CA4: variants seen among roughly 807,000 people sequenced by gnomAD.
CA4 encodes carbonic anhydrase 4.
CA4 carries 24 observed loss-of-function variants against 34.5 expected under a neutral mutation model. That is an observed-to-expected ratio of 0.70 (90% CI 0.50 to 0.98). The LOEUF is 0.98. Among genes scored for constraint, CA4 ranks in the 50% least tolerant of loss-of-function variants. The pLI is 0.00. For missense variants in CA4, 394 were observed against 396.7 expected (o/e 0.99, Z 0.06); for synonymous variants, 178 against 170.6 (o/e 1.04, Z -0.34).
chr17:60,158,176 C>T, intron 6 of CA4, 49 bp downstream of exon 6: 1 of 1,610,196 alleles, frequency 6.2e-7, no homozygotes, highest in African/African-American at 1.3e-5. Context: ...GGGGATTCCT[C>T]CCACAAAGGA....
downstream of CA4, among the ~76,000 whole-genome samples, chr17:60,172,042 C>T (rs577689209): frequency 1.4e-4 from 22 of 151,954 alleles, no homozygotes; most frequent in African/African-American, 5.1e-4. Flanking sequence ...ATCTCCTACT[C>T]CATTCTGGAG....
downstream of CA4, among the ~76,000 whole-genome samples, chr17:60,161,515 A>C (rs2083788465): frequency 6.6e-6 from 1 of 151,968 alleles, no homozygotes; most frequent in South Asian, 2.1e-4. Context: ...GAGGGCACTG[A>C]GGGATTCCAT....
the CA4 span, among the ~76,000 whole-genome samples, chr17:60,176,138 T>C: frequency 1.3e-5 from 2 of 152,156 alleles, no homozygotes; most frequent in South Asian, 4.1e-4. Context: ...TTTTAATGTG[T>C]ATTCTCGTTT....
At chr17:60,152,494 G>A (rs1448945139) in intron 1 of CA4, among the ~76,000 whole-genome samples, 2 of 152,238 alleles carry the variant, frequency 1.3e-5, no homozygotes, top group Non-Finnish European at 2.9e-5. Flanking sequence ...AGGAGCTGCG[G>A]CCAGAGCCAG....
chr17:60,156,852 G>A, intron 3 of CA4, 137 bp downstream of exon 3: 2 of 806,722 alleles, frequency 2.5e-6, no homozygotes, highest in Non-Finnish European at 4.3e-6. Context: ...CCATGGGGGA[G>A]GACAGCTTCC....
intron 1 of CA4, among the ~76,000 whole-genome samples, chr17:60,153,768 C>T (rs2083630699): frequency 1.3e-5 from 2 of 152,234 alleles, no homozygotes; most frequent in South Asian, 2.1e-4. Context: ...GGCCACTGCC[C>T]TCTGCAGAAT....
intron 1 of CA4, among the ~76,000 whole-genome samples, chr17:60,150,394 C>G (rs958108192): frequency 6.6e-6 from 1 of 152,128 alleles, no homozygotes; most frequent in African/African-American, 2.4e-5. Flanking sequence ...CGTCTCAGGC[C>G]GGGCGCGGGT....
downstream of CA4, among the ~76,000 whole-genome samples, chr17:60,171,159 G>C (rs1040602237): frequency 2.0e-5 from 3 of 152,222 alleles, no homozygotes; most frequent in Non-Finnish European, 4.4e-5. Context: ...CGTTTCTTCT[G>C]GTTCCAAGCT....
At chr17:60,151,096 C>T (rs1007084567) in intron 1 of CA4, among the ~76,000 whole-genome samples, 7 of 152,214 alleles carry the variant, frequency 4.6e-5, no homozygotes, top group Non-Finnish European at 8.8e-5. Context: ...GCTAAAGGCG[C>T]TTCAAGCGGC....
At chr17:60,161,858 G>A (rs1023508264), downstream of CA4, among the ~76,000 whole-genome samples, 3 of 152,072 alleles carry the variant, frequency 2.0e-5, no homozygotes, top group Non-Finnish European at 2.9e-5. Flanking sequence ...CAGACTGCAG[G>A]GGATCTAAGC....
chr17:60,154,831 G>A (rs1466204852), intron 1 of CA4, among the ~76,000 whole-genome samples: 2 of 152,178 alleles, frequency 1.3e-5, no homozygotes, highest in Admixed American at 1.3e-4. Flanking sequence ...TTCTGGGGAG[G>A]GGCCGCCTAA....
chr17:60,161,532 G>T (rs1454537639), downstream of CA4, among the ~76,000 whole-genome samples: 1 of 152,020 alleles, frequency 6.6e-6, no homozygotes, highest in Non-Finnish European at 1.5e-5. Context: ...CCATCACCTG[G>T]TTCTAGAATC....
At chr17:60,159,578 A>G, downstream of CA4, 1 of 854,188 alleles carries the variant, frequency 1.2e-6, no homozygotes, top group Non-Finnish European at 1.9e-6. Context: ...GCCTTCCACA[A>G]CTACCCCACC....
At chr17:60,154,730 A>G (rs2083648409) in intron 1 of CA4, among the ~76,000 whole-genome samples, 1 of 152,116 alleles carries the variant, frequency 6.6e-6, no homozygotes. Flanking sequence ...TGTGCGGTTG[A>G]GGGGCAGGGG....
downstream of CA4, among the ~76,000 whole-genome samples, chr17:60,161,907 C>T (rs931597832): frequency 3.9e-5 from 6 of 152,002 alleles, no homozygotes; most frequent in African/African-American, 1.2e-4. Flanking sequence ...TCAGAATGGC[C>T]CCTCCCAGCT....
At chr17:60,175,189 A>ATTTTTTTTT (rs555031745), downstream of CA4, among the ~76,000 whole-genome samples, 781 of 107,584 alleles carry the variant, frequency 7.3e-3, 89 homozygotes, top group African/African-American at 0.033. Context: ...CACCCAGCTG[A>ATTTTTTTTT]TTTTTTTTTT....
At chr17:60,155,151 A>G (rs894455200) in intron 1 of CA4, among the ~76,000 whole-genome samples, 163 bp from the exon 2 acceptor site, 5 of 152,042 alleles carry the variant, frequency 3.3e-5, no homozygotes, top group African/African-American at 9.7e-5. Context: ...TTGGTTTTCA[A>G]TTGAGTCTCT....
chr17:60,153,307 C>T (rs1030732354), intron 1 of CA4, among the ~76,000 whole-genome samples: 1 of 152,112 alleles, frequency 6.6e-6, no homozygotes, highest in African/African-American at 2.4e-5. Flanking sequence ...CACTGCCCTC[C>T]AGCCTGGGCA....
downstream of CA4, among the ~76,000 whole-genome samples, chr17:60,171,150 G>A (rs750100663): frequency 2.0e-5 from 3 of 152,214 alleles, no homozygotes; most frequent in African/African-American, 4.8e-5. Flanking sequence ...CATCTCCAGC[G>A]TTTCTTCTGG....
Sources: gnomAD v4.1 joint callset for allele counts (sites outside exome capture counted in the v4.1 genomes callset) on GRCh38, gnomAD v4.1.1 for gene constraint, MANE v1.5 for transcripts, NCBI Gene and HGNC (gene_info 2026-07-23, HGNC 2026-07-21) for gene names.